SCMH1: variants seen among roughly 807,000 people sequenced by gnomAD.
The protein encoded by SCMH1 is Scm polycomb group protein homolog 1, also known as polycomb protein SCMH1.
Under a neutral mutation model 70.8 loss-of-function variants are expected in SCMH1, and 37 were observed. That is an observed-to-expected ratio of 0.52 (90% confidence interval 0.40 to 0.69). The LOEUF is 0.69. Ranked by LOEUF, SCMH1 falls within the 30% of genes least tolerant of loss-of-function variation. The pLI is 0.00. For missense variants in SCMH1, 607 were observed against 827.3 expected (o/e 0.73, Z 3.27); for synonymous variants, 292 against 307.4 (o/e 0.95, Z 0.52).
At chr1:41,088,177 G>C (rs753629702) in intron 8 of SCMH1, among the ~76,000 whole-genome samples, 4 of 152,028 alleles carry the variant, frequency 2.6e-5, no homozygotes, top group Non-Finnish European at 5.9e-5. Context: ...TAACTTTTGT[G>C]TAAGAAGGGT....
intron 7 of SCMH1, among the ~76,000 whole-genome samples, chr1:41,114,928 T>G (rs1275452755): frequency 6.6e-6 from 1 of 152,128 alleles, no homozygotes; most frequent in Non-Finnish European, 1.5e-5. Flanking sequence ...TCCGTATGCC[T>G]TGGCCTCCCA....
chr1:41,075,172 C>G (rs771910785), intron 9 of SCMH1, 47 bp downstream of exon 9: 4 of 1,583,588 alleles, frequency 2.5e-6, no homozygotes, highest in South Asian at 1.1e-5. Context: ...CCGAATGACC[C>G]CTTTATAAAC....
At chr1:41,233,631 T>C (rs939601086) in intron 1 of SCMH1, among the ~76,000 whole-genome samples, 2 of 152,230 alleles carry the variant, frequency 1.3e-5, no homozygotes, top group African/African-American at 4.8e-5. Context: ...TCCATATCTC[T>C]ATCATCCCGG....
At chr1:41,240,805 T>C (rs1418083060) in intron 1 of SCMH1, among the ~76,000 whole-genome samples, 1 of 151,274 alleles carries the variant, frequency 6.6e-6, no homozygotes, top group Non-Finnish European at 1.5e-5. Context: ...GAATCTAGAG[T>C]ACTTTTGATT....
chr1:41,219,154 C>T (rs1243264384), intron 1 of SCMH1, among the ~76,000 whole-genome samples: 1 of 152,200 alleles, frequency 6.6e-6, no homozygotes, highest in Non-Finnish European at 1.5e-5. Context: ...AATTTGTGAA[C>T]ACACTGACAT....
intron 1 of SCMH1, among the ~76,000 whole-genome samples, chr1:41,210,504 A>G (rs1025252927): frequency 1.3e-5 from 2 of 152,220 alleles, no homozygotes; most frequent in Non-Finnish European, 2.9e-5. Flanking sequence ...TGGTACCAAA[A>G]CAGATGTATA....
intron 11 of SCMH1, among the ~76,000 whole-genome samples, chr1:41,046,961 C>G (rs893445860): frequency 6.6e-6 from 1 of 152,124 alleles, no homozygotes; most frequent in South Asian, 2.1e-4. Context: ...CAAGAACTGC[C>G]CAAGAACAGA....
rs371284493 is a variant in SCMH1, at chr1:41,033,786, A to G, written c.1678+3576T>C. On this transcript the variant is annotated intron_variant, in intron 13 of 14. Transcript: ENST00000337495. ...GAATGAATCTTTTCATAGCCTTATG[A>G]AGACCATCAGGCTGTAAAGAGATTT... Among the ~76,000 whole-genome samples the G allele has an allele frequency of 5.3e-5, 8 of 152,336 alleles. No homozygotes were observed. The East Asian group carries it at 1.2e-3, about 22-fold the overall frequency.
intron 1 of SCMH1, among the ~76,000 whole-genome samples, chr1:41,204,669 T>C (rs1321164293): frequency 1.3e-5 from 2 of 152,216 alleles, no homozygotes; most frequent in African/African-American, 4.8e-5. Context: ...CAGAGAATCC[T>C]TCCCTGATCA....
chr1:41,086,935 A>G (rs1028320807), intron 8 of SCMH1, among the ~76,000 whole-genome samples: 1 of 152,022 alleles, frequency 6.6e-6, no homozygotes, highest in Non-Finnish European at 1.5e-5. Flanking sequence ...AACCATAACA[A>G]TAACTAAGAA....
chr1:41,050,382 T>C (rs1301893337), intron 10 of SCMH1, among the ~76,000 whole-genome samples: 3 of 152,110 alleles, frequency 2.0e-5, no homozygotes, highest in Non-Finnish European at 2.9e-5. Context: ...AGAGCAGTAA[T>C]TGTGTGGCCC....
chr1:41,181,378 C>T (rs1648714734), intron 2 of SCMH1, among the ~76,000 whole-genome samples: 4 of 152,242 alleles, frequency 2.6e-5, no homozygotes, highest in Middle Eastern at 3.4e-3. Context: ...AGCTTCTGCA[C>T]AGCAAAAGAA....
chr1:41,086,956 T>G (rs1661886590), intron 8 of SCMH1, among the ~76,000 whole-genome samples: 1 of 145,186 alleles, frequency 6.9e-6, no homozygotes, highest in South Asian at 2.2e-4. Context: ...AACAACAGAA[T>G]GTGAGAGCTG....
At chr1:41,130,599 C>T (rs965885458) in intron 6 of SCMH1, among the ~76,000 whole-genome samples, 1 of 152,006 alleles carries the variant, frequency 6.6e-6, no homozygotes, top group African/African-American at 2.4e-5. Flanking sequence ...TCTAGCATTA[C>T]TGAATTAGAT....
At chr1:41,046,644 A>C in intron 11 of SCMH1, 46 bp from the exon 12 acceptor site, 6 of 1,484,238 alleles carry the variant, frequency 4.0e-6, no homozygotes, top group Non-Finnish European at 5.6e-6. Context: ...CTGGCAGTGG[A>C]GTACAGCGCT....
chr1:41,161,004 TCA>T (rs1165364577), intron 3 of SCMH1, 106 bp from the exon 4 acceptor site: 2 of 1,121,954 alleles, frequency 1.8e-6, no homozygotes, highest in Non-Finnish European at 1.3e-6. Flanking sequence ...TTTGTCTAGT[TCA>T]GTTATCTCAT....
intron 10 of SCMH1, among the ~76,000 whole-genome samples, chr1:41,065,362 T>G (rs1654240794): frequency 6.6e-6 from 1 of 152,130 alleles, no homozygotes; most frequent in Non-Finnish European, 1.5e-5. Context: ...CCAGCTACTC[T>G]GGAGGCTGAG....
chr1:41,193,896 T>C (rs1208292092), intron 1 of SCMH1, among the ~76,000 whole-genome samples: 1 of 152,214 alleles, frequency 6.6e-6, no homozygotes, highest in Non-Finnish European at 1.5e-5. Context: ...TTAACATCCA[T>C]AAAGGGGTTT....
chr1:41,033,370 T>C (rs932155068), intron 13 of SCMH1, among the ~76,000 whole-genome samples: 1 of 151,664 alleles, frequency 6.6e-6, no homozygotes, highest in African/African-American at 2.4e-5. Context: ...GGTAAAAAGG[T>C]GACCTGATAT....
Sources: allele counts gnomAD v4.1 joint callset (sites outside exome capture counted in the v4.1 genomes callset), GRCh38; gene constraint gnomAD v4.1.1; transcripts MANE v1.5; gene names NCBI Gene and HGNC (gene_info 2026-07-23, HGNC 2026-07-21).